Variants in ITGB7 observed in about 807,000 individuals in gnomAD.
ITGB7 encodes integrin subunit beta 7, also known as integrin beta-7.
ITGB7 carries 55 observed loss-of-function variants against 83.4 expected under a neutral mutation model. That is an observed-to-expected ratio of 0.66 (90% CI 0.53 to 0.83). The LOEUF (loss-of-function observed/expected upper bound fraction) is 0.83. Among genes scored for constraint, ITGB7 ranks in the 40% least tolerant of loss-of-function variants. The pLI, the probability that ITGB7 is intolerant of heterozygous loss-of-function variation, is 0.00. For synonymous variants in ITGB7, 454 were observed against 423.6 expected (o/e 1.07, Z -0.88); for missense variants, 921 against 1,046.7 (o/e 0.88, Z 1.66).
rs1942217610 is a variant in ITGB7, at chr12:53,197,814, C to G, written c.339G>C (p.Gln113His). Residue 113 changes from glutamine (Q) to histidine (H), a missense_variant, in exon 4 of 16, where the codon CAG (glutamine) becomes CAC (histidine). Gln to His is a conservative substitution (Grantham distance 24). Transcript: ENST00000267082. Reference protein sequence around the residue: ...QEVLQDQPLSQGARGEGATQL... With the variant: ...QEVLQDQPLSHGARGEGATQL... The stretch of plus-strand genomic sequence containing the variant: ...GGGTGGCACCCTCTCCGCGGGCGCC[C>G]TGGCTGAGCGGCTGGTCCTGCAGCA... 6.5e-7 allele frequency: 1 copy of G among 1,538,208 alleles called. No individual in the cohort carries two copies. Among genetic ancestry groups the G allele is most frequent in the Non-Finnish European group, 8.7e-7 (1 of 1,147,210 alleles).
At chr12:53,195,305 A>C (rs1224015705) in intron 9 of ITGB7, 69 bp downstream of exon 9, 11 of 1,125,190 alleles carry the variant, frequency 9.8e-6, no homozygotes, top group Non-Finnish European at 1.2e-5. Flanking sequence ...CTGCCACCCC[A>C]CCCAAGGGCC....
intron 1 of ITGB7, among the ~76,000 whole-genome samples, chr12:53,202,289 G>T (rs751244880): frequency 6.6e-6 from 1 of 152,170 alleles, no homozygotes; most frequent in Non-Finnish European, 1.5e-5. Context: ...ATCCCAGGAG[G>T]CAGAGGTTGC....
chr12:53,201,631 TC>T (rs1379420610), intron 1 of ITGB7, among the ~76,000 whole-genome samples: 1 of 146,852 alleles, frequency 6.8e-6, no homozygotes, highest in African/African-American at 2.7e-5. Flanking sequence ...AAAAGTTAAA[TC>T]CCATTGGCCC....
chr12:53,194,474 T>C (rs1747534884), intron 9 of ITGB7, 130 bp from the exon 10 acceptor site: 3 of 879,190 alleles, frequency 3.4e-6, no homozygotes, highest in Admixed American at 4.9e-5. Flanking sequence ...CCTTCCATTC[T>C]GCCCAGTCGA....
At position 53,197,787 on chromosome 12, in the gene ITGB7, C is replaced by T. The variant is rs1297783526; in HGVS notation, c.366G>A (p.Gln122=). The T allele has an allele frequency of 5.1e-6, 8 of 1,556,778 alleles. No homozygotes were observed. The highest frequency in any genetic ancestry group is 6.9e-6 in the Non-Finnish European group (8 of 1,154,818). ...SQGARGEGAT[Q]LAPQRVRVTL... is the part of the protein sequence containing the mutation. ...TGACCCGGACCCGCTGCGGCGCCAG[C>T]TGGGTGGCACCCTCTCCGCGGGCGC... The change falls in exon 4 of 16, where the codon CAG becomes CAA. Residue 122 remains glutamine, a synonymous_variant. Transcript: ENST00000267082.
rs373625670 is a variant in ITGB7, at chr12:53,193,727, G to T, written c.1483C>A (p.Leu495Ile). 1 of 1,613,238 alleles carries T rather than the reference G, an allele frequency of 6.2e-7. No individual in the cohort carries two copies. ...APHCSDGQGH[L>I]QCGVCSCAPG... ...CCTCACCTGCATACACCACATTGTA[G>T]GTGTCCCTGGCCATCACTGCAGTGG... The change falls in exon 11 of 16, where the codon CTA becomes ATA. Residue 495 changes from leucine (L) to isoleucine (I), a missense_variant. Physicochemically the swap from Leu to Ile is conservative, Grantham distance 5. Coordinates refer to ENST00000267082, the MANE Select transcript of ITGB7 (RefSeq NM_000889.3).
Position 53,192,556 on chromosome 12 carries a change from A to G in ITGB7, c.1947-18T>C, listed in dbSNP as rs746658826. On this transcript the variant is annotated intron_variant, in intron 13 of 15. Coordinates refer to ENST00000267082, the MANE Select transcript of ITGB7 (RefSeq NM_000889.3). ...CACAGTCCCTGTGTAGTAGATGCCAATAGGTTACCAGCTGGGCAGTTGTCA... is the reference window on the plus strand; with the variant it reads ...CACAGTCCCTGTGTAGTAGATGCCAGTAGGTTACCAGCTGGGCAGTTGTCA... 8 of 1,612,188 alleles carry G rather than the reference A, an allele frequency of 5.0e-6. No individual in the cohort carries two copies. The highest frequency in any genetic ancestry group is 1.7e-4 in the Middle Eastern group (1 of 5,944).
intron 3 of ITGB7, among the ~76,000 whole-genome samples, chr12:53,199,567 G>A (rs770182817): frequency 1.3e-4 from 17 of 127,620 alleles, no homozygotes; most frequent in Non-Finnish European, 2.0e-4. Context: ...TCCATGTGAT[G>A]GTATTTGGAG....
intron 11 of ITGB7, 55 bp downstream of exon 11, chr12:53,193,653 C>A: frequency 1.4e-6 from 2 of 1,474,626 alleles, no homozygotes; most frequent in Non-Finnish European, 9.3e-7. Flanking sequence ...GAATACGGGC[C>A]AGGGTTGGTT....
chr12:53,193,739 C>T lies in ITGB7; in HGVS notation c.1471G>A (p.Gly491Ser). The change falls in exon 11 of 16, where the codon GGC becomes AGC. Residue 491 changes from glycine to serine, a missense_variant. Coordinates refer to ENST00000267082, the MANE Select transcript of ITGB7 (RefSeq NM_000889.3). ...TQPQAPHCSD[G>S]QGHLQCGVCS... ...ACACCACATTGTAGGTGTCCCTGGCCATCACTGCAGTGGGGAGCCTGGGGC... is the reference window on the plus strand; with the variant it reads ...ACACCACATTGTAGGTGTCCCTGGCTATCACTGCAGTGGGGAGCCTGGGGC... 1 of 1,613,596 alleles carries T rather than the reference C, an allele frequency of 6.2e-7. No individual in the cohort carries two copies. The highest frequency in any genetic ancestry group is 8.5e-7 in the Non-Finnish European group (1 of 1,179,802).
intron 1 of ITGB7, chr12:53,206,756 C>T (rs1037459021): frequency 1.3e-5 from 2 of 152,250 alleles, no homozygotes; most frequent in African/African-American, 4.8e-5. Flanking sequence ...CTCAGTGTCC[C>T]AGGACAGTGG....
At chr12:53,196,416 C>T in intron 6 of ITGB7, 163 bp downstream of exon 6, 2 of 1,099,058 alleles carry the variant, frequency 1.8e-6, no homozygotes, top group East Asian at 5.2e-5. Flanking sequence ...ATGCCTCCTC[C>T]TCAAGATATT....
intron 5 of ITGB7, 31 bp downstream of exon 5, chr12:53,197,462 C>T: frequency 1.2e-6 from 2 of 1,613,618 alleles, no homozygotes; most frequent in South Asian, 1.1e-5. Flanking sequence ...TAGGCAAGGG[C>T]TAACAGGGCG....
chr12:53,192,345 C>G lies in ITGB7; in HGVS notation c.2140G>C (p.Val714Leu). Residue 714 changes from valine (V) to leucine (L), a missense_variant, in exon 14 of 16, where the codon GTG becomes CTG. Val to Leu is a conservative substitution (Grantham distance 32). Coordinates refer to ENST00000267082, the MANE Select transcript of ITGB7 (RefSeq NM_000889.3). ...DDARGTVVLR[V>L]RPQEKGADHT... ...GCCCACTTACTTTCTTGGGGTCTCACTCTGAGCACGACCGTGCCTCTGGCG... is the reference window on the plus strand; with the variant it reads ...GCCCACTTACTTTCTTGGGGTCTCAGTCTGAGCACGACCGTGCCTCTGGCG... 4 of 1,614,120 alleles carry G rather than the reference C, an allele frequency of 2.5e-6. No homozygotes were observed. The highest frequency in any genetic ancestry group is 3.4e-6 in the Non-Finnish European group (4 of 1,180,038).
rs759850115 is a variant in ITGB7, at chr12:53,197,383, A to G, written c.574+110T>C. 6 of 1,287,154 alleles carry G rather than the reference A, an allele frequency of 4.7e-6. No individual in the cohort carries two copies. The South Asian group carries it at 7.2e-5, about 15-fold the overall frequency. The allele number at this position is 1,287,154 out of a possible 1,614,324, so 79.7% of individuals were successfully genotyped here. ...ACCTGTGGCCTGGCTAGGCCTGTCAACAACTGGGAGGGCAAGTTGGGGCCC... is the reference window on the plus strand; with the variant it reads ...ACCTGTGGCCTGGCTAGGCCTGTCAGCAACTGGGAGGGCAAGTTGGGGCCC... On this transcript the variant is annotated intron_variant, in intron 5 of 15. Transcript: ENST00000267082.
At chr12:53,194,459 G>C in intron 9 of ITGB7, 115 bp from the exon 10 acceptor site, 1 of 1,036,814 alleles carries the variant, frequency 9.6e-7, no homozygotes, top group Non-Finnish European at 1.4e-6. Flanking sequence ...CTGCCACCTG[G>C]GGCTCCTTCC....
At chr12:53,193,972 C>T (rs1441974984) in intron 10 of ITGB7, 71 bp from the exon 11 acceptor site, 1 of 1,438,954 alleles carries the variant, frequency 6.9e-7, no homozygotes, top group Admixed American at 2.0e-5. Context: ...CACCAATCAT[C>T]CAGAACCTCA....
In ITGB7 at chr12:53,199,249, A is replaced by C. The variant is rs182655572; in HGVS notation, c.201+994T>G. On this transcript the variant is annotated intron_variant, in intron 3 of 15. Coordinates refer to ENST00000267082, the MANE Select transcript of ITGB7 (RefSeq NM_000889.3). The stretch of plus-strand genomic sequence containing the variant: ...GGCACCCCTCCTGCTCTGCTGCTCC[A>C]TGAGTTCTGTCTCTTTAAAGCATAA... Among the ~76,000 whole-genome samples, 52 of 152,198 alleles carry C rather than the reference A, an allele frequency of 3.4e-4. 1 individual carries two copies. The East Asian group carries it at 9.7e-3, about 28-fold the overall frequency.
At position 53,195,716 on chromosome 12, in the gene ITGB7, GT is replaced by G; in HGVS notation, c.980del (p.Tyr327SerfsTer7). 6.2e-7 allele frequency: 1 copy of G among 1,612,946 alleles called. No homozygotes were observed. The highest frequency in any genetic ancestry group is 8.5e-7 in the Non-Finnish European group (1 of 1,178,974). On this transcript the variant is annotated frameshift_variant, in exon 8 of 16. Coordinates refer to ENST00000267082, the MANE Select transcript of ITGB7 (RefSeq NM_000889.3). LOFTEE classifies it high-confidence loss of function. ...GLYSRSTEFDYPSVGQVAQAL... is the reference protein window; with the variant it reads ...GLYSRSTEFDXPSVGQVAQAL... Reference sequence around the variant, plus strand: ...CCTGGGCTACCTGACCCACAGAAGGGTAGTCCTGGGACAGGGAGCAGGGACA... The same window carrying G: ...CCTGGGCTACCTGACCCACAGAAGGGAGTCCTGGGACAGGGAGCAGGGACA...
Sources: allele counts gnomAD v4.1 joint callset (sites outside exome capture counted in the v4.1 genomes callset), GRCh38; gene constraint gnomAD v4.1.1; transcripts MANE v1.5; gene names NCBI Gene and HGNC (gene_info 2026-07-23, HGNC 2026-07-21).